PRSS23: variants seen among roughly 807,000 people sequenced by gnomAD.
PRSS23 encodes the protein serine protease 23.
In PRSS23, 25 loss-of-function variants were observed where a neutral mutation model predicts 34.7. The observed-to-expected ratio is 0.72, with a 90% CI of 0.53 to 1.01. PRSS23 has a LOEUF of 1.01. PRSS23 is among the 50% of genes least tolerant of loss of function. The pLI, the probability that PRSS23 is intolerant of heterozygous loss-of-function variation, is 0.00. For missense variants in PRSS23, 445 were observed against 475.6 expected (o/e 0.94, Z 0.60); for synonymous variants, 176 against 186.6 (o/e 0.94, Z 0.46).
intron 2 of PRSS23, chr11:86,934,626 G>A (rs572223642): frequency 6.6e-6 from 1 of 152,320 alleles, no homozygotes; most frequent in Admixed American, 6.5e-5. Context: ...TGTTTTGCCA[G>A]GCTAATGAAA....
Position 86,821,647 on chromosome 11 carries a change from G to A in PRSS23, c.-11-1730G>A, listed in dbSNP as rs530648863. On this transcript the variant is annotated intron_variant, in intron 1 of 2. Coordinates refer to the PRSS23 transcript ENST00000533902. ...ATAACTTTCATCTTGGCCTTCAGCTGGTTCAAGAATTTTGTCAATATTGGA... is the reference window on the plus strand; with the variant it reads ...ATAACTTTCATCTTGGCCTTCAGCTAGTTCAAGAATTTTGTCAATATTGGA... The A allele has an allele frequency of 7.2e-5, 114 of 1,580,568 alleles. No individual in the cohort carries two copies. In the African/African-American group the frequency reaches 1.3e-3, roughly 18 times the overall value.
intron 2 of PRSS23, among the ~76,000 whole-genome samples, chr11:86,834,800 T>C (rs1948391931): frequency 6.6e-6 from 1 of 152,166 alleles, no homozygotes. Flanking sequence ...ATATTTACCC[T>C]TTTTCCTTCT....
intron 2 of PRSS23, among the ~76,000 whole-genome samples, chr11:86,827,698 T>C: frequency 6.6e-6 from 1 of 152,148 alleles, no homozygotes; most frequent in African/African-American, 2.4e-5. Flanking sequence ...GTTGTGTCTT[T>C]GTTCTCGTTG....
chr11:86,854,289 C>T (rs933048422), intron 2 of PRSS23, among the ~76,000 whole-genome samples: 5 of 152,170 alleles, frequency 3.3e-5, no homozygotes, highest in Non-Finnish European at 5.9e-5. Context: ...TGTGAGCCCC[C>T]GCACCTGGCC....
chr11:86,913,978 G>A (rs1459281473), intron 2 of PRSS23, among the ~76,000 whole-genome samples: 1 of 148,124 alleles, frequency 6.8e-6, no homozygotes, highest in Non-Finnish European at 1.5e-5. Flanking sequence ...GCTGAGGCGG[G>A]TGGATCACCT....
chr11:86,888,125 AAC>A lies in PRSS23; in HGVS notation c.207-63089_207-63088del, dbSNP rs869245198. Among the ~76,000 whole-genome samples, 50 of 46,938 alleles carry A rather than the reference AAC, an allele frequency of 1.1e-3. 1 individual carries two copies. The highest frequency in any genetic ancestry group is 2.7e-3 in the African/African-American group (37 of 13,604). The allele number at this position is 46,938 out of a possible 152,430, so 30.8% of individuals were successfully genotyped here. On this transcript the variant is annotated intron_variant, in intron 2 of 2. Coordinates refer to the PRSS23 transcript ENST00000533902. Reference sequence around the variant, plus strand: ...ATCAAGTTGGTTTTTTTTAAAAAAAAACAAAACAAAACAAAACCTAAGCTGCC... The same window carrying A: ...ATCAAGTTGGTTTTTTTTAAAAAAAAAAAACAAAACAAAACCTAAGCTGCC...
intron 2 of PRSS23, among the ~76,000 whole-genome samples, chr11:86,884,275 A>C (rs1053812315): frequency 6.6e-6 from 1 of 152,216 alleles, no homozygotes; most frequent in Admixed American, 6.5e-5. Context: ...ATTGCCAACA[A>C]AATATTCTTG....
intron 2 of PRSS23, among the ~76,000 whole-genome samples, chr11:86,866,628 A>G (rs1026112650): frequency 1.3e-5 from 2 of 152,204 alleles, no homozygotes; most frequent in Non-Finnish European, 2.9e-5. Context: ...TATGATTTCA[A>G]TGTGGTTTGT....
chr11:86,950,869 T>C (rs2135039111), intron 2 of PRSS23: 1 of 513,252 alleles, frequency 1.9e-6, no homozygotes, highest in Non-Finnish European at 3.5e-6. Context: ...CGCTCCAAGC[T>C]GCAACCTGCT....
chr11:86,800,641 G>T lies in PRSS23; in HGVS notation c.-24G>T, dbSNP rs985418928. 3.0e-6 allele frequency: 3 copies of T among 985,066 alleles called. No individual in the cohort carries two copies. The African/African-American group carries it at 5.2e-5, about 17-fold the overall frequency. 61.0% of individuals were successfully genotyped at this position (985,066 alleles called of 1,614,324 possible). A position where few individuals can be genotyped will look rare whatever the true frequency, so the allele number is the denominator to read the frequency against. On this transcript the variant is annotated 5_prime_UTR_variant, in exon 1 of 2. Transcript: ENST00000280258. ...CAGCGAGCCGCGGCCCGGGCGGGCT[G>T]CTCGGCGCGGGTGAGTGCGGGCACC...
At chr11:86,825,975 T>G (rs1948297064) in intron 2 of PRSS23, among the ~76,000 whole-genome samples, 1 of 152,202 alleles carries the variant, frequency 6.6e-6, no homozygotes, top group Non-Finnish European at 1.5e-5. Context: ...ATCTTTTTGG[T>G]TCCATATGAA....
chr11:86,924,787 C>A (rs560153622), intron 2 of PRSS23, among the ~76,000 whole-genome samples: 1 of 152,144 alleles, frequency 6.6e-6, no homozygotes, highest in South Asian at 2.1e-4. Flanking sequence ...CTTTAGTGAA[C>A]GGTTCAGTAT....
chr11:86,900,939 C>T (rs1200552423), intron 2 of PRSS23, among the ~76,000 whole-genome samples: 1 of 151,946 alleles, frequency 6.6e-6, no homozygotes, highest in African/African-American at 2.4e-5. Context: ...CACCCACCAC[C>T]ACACCTAGCT....
chr11:86,851,370 C>T (rs1232288318), intron 2 of PRSS23, among the ~76,000 whole-genome samples: 1 of 152,174 alleles, frequency 6.6e-6, no homozygotes, highest in Non-Finnish European at 1.5e-5. Flanking sequence ...TTTCTGGGAT[C>T]TTTGATGTCA....
At chr11:86,844,820 C>T (rs530479161) in intron 2 of PRSS23, among the ~76,000 whole-genome samples, 10 of 152,208 alleles carry the variant, frequency 6.6e-5, no homozygotes, top group South Asian at 2.1e-4. Flanking sequence ...CTGGGCATGG[C>T]GGCTCATGCC....
rs1465054033 is a variant in PRSS23 at position 86,810,296 on chromosome 11, A to AT, written c.*1504dup. 1 of 166,542 alleles carries AT rather than the reference A, an allele frequency of 6.0e-6. No homozygotes were observed. Among genetic ancestry groups the AT allele is most frequent in the Non-Finnish European group, 1.5e-5 (1 of 68,106 alleles). 10.3% of individuals were successfully genotyped at this position (166,542 alleles called of 1,614,324 possible). A position where few individuals can be genotyped will look rare whatever the true frequency, so the allele number is the denominator to read the frequency against. ...CCCCAGGTAAACCTGCATTGTAGCA[A>AT]TTTGTAAGGATATTCAGATGGAGCA... is the stretch of plus-strand genomic sequence containing the variant. On this transcript the variant is annotated 3_prime_UTR_variant, in exon 2 of 2. Transcript: ENST00000280258.
intron 2 of PRSS23, among the ~76,000 whole-genome samples, chr11:86,868,683 A>G (rs963804245): frequency 6.6e-6 from 1 of 152,136 alleles, no homozygotes; most frequent in African/African-American, 2.4e-5. Context: ...GAGGAGTGGC[A>G]AGGAAGTTAG....
At chr11:86,840,483 T>C (rs1162358518) in intron 2 of PRSS23, among the ~76,000 whole-genome samples, 5 of 152,014 alleles carry the variant, frequency 3.3e-5, no homozygotes, top group African/African-American at 1.2e-4. Context: ...CTTAGAGACC[T>C]ACAAAGAGAC....
intron 2 of PRSS23, among the ~76,000 whole-genome samples, chr11:86,943,078 G>T (rs1949216894): frequency 6.6e-6 from 1 of 152,248 alleles, no homozygotes; most frequent in South Asian, 2.1e-4. Flanking sequence ...TCACATTCCA[G>T]TTAGGGTCCT....
Sources: gnomAD v4.1 joint callset for allele counts (sites outside exome capture counted in the v4.1 genomes callset) on GRCh38, gnomAD v4.1.1 for gene constraint, MANE v1.5 for transcripts, NCBI Gene and HGNC (gene_info 2026-07-23, HGNC 2026-07-21) for gene names.